The following SLA2 variants were observed in gnomAD, a reference collection of about 807,000 sequenced individuals.
The protein encoded by SLA2 is src-like-adapter 2.
A neutral mutation model predicts 27.3 loss-of-function variants in SLA2; 22 were observed. That is an observed-to-expected ratio of 0.81 (90% CI 0.58 to 1.15). SLA2 has a LOEUF of 1.15. SLA2 is among the 50% of genes most tolerant of loss of function. SLA2 has a pLI of 0.00. For missense variants in SLA2, 304 were observed against 322.2 expected (o/e 0.94, Z 0.43); for synonymous variants, 131 against 137.8 (o/e 0.95, Z 0.34).
At chr20:36,643,563 C>T (rs983016081) in intron 1 of SLA2, among the ~76,000 whole-genome samples, 3 of 152,130 alleles carry the variant, frequency 2.0e-5, no homozygotes, top group East Asian at 1.9e-4. Context: ...ATTTCTGTGG[C>T]GTCCTGGACC....
chr20:36,644,447 G>A (rs971148799), intron 1 of SLA2, among the ~76,000 whole-genome samples: 1 of 152,240 alleles, frequency 6.6e-6, no homozygotes, highest in African/African-American at 2.4e-5. Context: ...TGCTCAGTAA[G>A]GCTTAGTTTC....
intron 2 of SLA2, among the ~76,000 whole-genome samples, chr20:36,635,523 G>A (rs116604352): frequency 0.011 from 1,722 of 151,978 alleles, 33 homozygotes; most frequent in African/African-American, 0.039. Flanking sequence ...TGTGCTCCGG[G>A]TGGGCATGGG....
At chr20:36,636,617 AAAAAAAATATATAT>A (rs1221848222) in intron 2 of SLA2, among the ~76,000 whole-genome samples, 4 of 126,030 alleles carry the variant, frequency 3.2e-5, no homozygotes, top group African/African-American at 1.4e-4. Flanking sequence ...AAAAGAAAAA[AAAAAAAATATATAT>A]ATATATATAT....
In SLA2 at chr20:36,613,699, T is replaced by G. The variant is rs2039168894; in HGVS notation, c.*167A>C. ...GCACTGGAAGGAAGTAGGTGACTTC[T>G]AAGGGCTAAGAGAGGAAAGAGCAAG... On this transcript the variant is annotated 3_prime_UTR_variant, in exon 8 of 8. Transcript: ENST00000262866. 3 of 772,738 alleles carry G rather than the reference T, an allele frequency of 3.9e-6. No homozygotes were observed. Among genetic ancestry groups the G allele is most frequent in the Admixed American group, 3.1e-5 (1 of 32,728 alleles). The allele number at this position is 772,738 out of a possible 1,614,324, so 47.9% of individuals were successfully genotyped here.
intron 5 of SLA2, chr20:36,621,349 A>G: frequency 1.6e-6 from 1 of 614,930 alleles, no homozygotes; most frequent in Non-Finnish European, 3.1e-6. Context: ...TGGTGGAAGA[A>G]GCTCAGGCAG....
In SLA2 at chr20:36,615,500, A is replaced by T. The variant is rs1322441956; in HGVS notation, c.383-126T>A. 3 of 987,344 alleles carry T rather than the reference A, an allele frequency of 3.0e-6. No individual in the cohort carries two copies. In the East Asian group the frequency reaches 7.7e-5, roughly 25 times the overall value. The allele number at this position is 987,344 out of a possible 1,614,324, so 61.2% of individuals were successfully genotyped here. A position where few individuals can be genotyped will look rare whatever the true frequency, so the allele number is the denominator to read the frequency against. ...GCAGAAGGGAAGTGTCTGGGGCAGA[A>T]GCAGGACAAAGACTTGCTCTCTTGG... On this transcript the variant is annotated intron_variant, in intron 5 of 7. Transcript: ENST00000262866.
intron 2 of SLA2, among the ~76,000 whole-genome samples, chr20:36,637,081 A>T (rs1367461557): frequency 2.0e-5 from 3 of 151,742 alleles, no homozygotes; most frequent in Non-Finnish European, 4.4e-5. Flanking sequence ...ATCTGCTCTG[A>T]ATTGTCTTGG....
chr20:36,642,432 G>A (rs1339040097), intron 1 of SLA2, among the ~76,000 whole-genome samples: 2 of 151,488 alleles, frequency 1.3e-5, no homozygotes, highest in Non-Finnish European at 2.9e-5. Context: ...CCCAGGAGGT[G>A]TCACTCCGTC....
In SLA2 at chr20:36,613,219, CAAAA is replaced by C. The variant is rs893920624; in HGVS notation, c.*643_*646del. 3 of 151,764 alleles carry C rather than the reference CAAAA, an allele frequency of 2.0e-5. No homozygotes were observed. The highest frequency in any genetic ancestry group is 2.9e-5 in the Non-Finnish European group (2 of 68,008). 9.4% of individuals were successfully genotyped at this position (151,764 alleles called of 1,614,324 possible). A position where few individuals can be genotyped will look rare whatever the true frequency, so the allele number is the denominator to read the frequency against. ...TGGGCAACAGGGCAAGACTCCGTCT[CAAAA>C]AAAAGAAAAAGAGCTGGGGCTGTTG... On this transcript the variant is annotated 3_prime_UTR_variant, in exon 8 of 8. Transcript: ENST00000262866.
In SLA2 at chr20:36,641,387, G is replaced by T; in HGVS notation, c.-43-9C>A. On this transcript the variant is annotated splice_polypyrimidine_tract_variant and intron_variant, in intron 1 of 7. Transcript: ENST00000262866. ...ACATCATCGAGGGAAATCTGAAAGA[G>T]ACACAGTGATGGGGACAGAGCCGAG... 1.3e-6 allele frequency: 2 copies of T among 1,526,106 alleles called. No homozygotes were observed. The highest frequency in any genetic ancestry group is 1.1e-5 in the South Asian group (1 of 88,926). 94.5% of individuals were successfully genotyped at this position (1,526,106 alleles called of 1,614,324 possible).
Position 36,613,832 on chromosome 20 carries a change from A to C in SLA2, c.*34T>G. The C allele has an allele frequency of 7.3e-7, 1 of 1,366,444 alleles. No homozygotes were observed. Among genetic ancestry groups the C allele is most frequent in the South Asian group, 1.1e-5 (1 of 87,230 alleles). The allele number at this position is 1,366,444 out of a possible 1,614,324, so 84.6% of individuals were successfully genotyped here. ...GGCTGAATTGGGGTTCTAGGTGTGC[A>C]GCCTTGGTTTCCCTTTTGGCCTCTC... On this transcript the variant is annotated 3_prime_UTR_variant, in exon 8 of 8. Transcript: ENST00000262866.
At position 36,613,291 on chromosome 20, in the gene SLA2, T is replaced by A. The variant is rs565736558; in HGVS notation, c.*575A>T. On this transcript the variant is annotated 3_prime_UTR_variant, in exon 8 of 8. Coordinates refer to ENST00000262866, the MANE Select transcript of SLA2 (RefSeq NM_032214.4). ...TTGAGGACCTAGACTGTCCGAAGTC[T>A]TTCTCTTTGCTCTGGAGGTCACATA... The A allele has an allele frequency of 6.6e-6, 1 of 152,572 alleles. No individual in the cohort carries two copies. The highest frequency in any genetic ancestry group is 1.5e-5 in the Non-Finnish European group (1 of 68,222). 9.5% of individuals were successfully genotyped at this position (152,572 alleles called of 1,614,324 possible). A position where few individuals can be genotyped will look rare whatever the true frequency, so the allele number is the denominator to read the frequency against.
In SLA2 at chr20:36,635,540, G is replaced by A. The variant is rs554687557; in HGVS notation, c.92-951C>T. On this transcript the variant is annotated intron_variant, in intron 2 of 7. Coordinates refer to ENST00000262866, the MANE Select transcript of SLA2 (RefSeq NM_032214.4). ...TGCTCCGGGTGGGCATGGGAAGACC[G>A]AGGCTGATTCTGGAAATGGACTAGT... 3.9e-5 allele frequency among the ~76,000 whole-genome samples: 6 copies of A among 152,036 alleles called. No homozygotes were observed. The East Asian group carries it at 7.8e-4, about 20-fold the overall frequency.
chr20:36,616,332 CTTTT>C (rs751722341), intron 5 of SLA2, among the ~76,000 whole-genome samples: 2 of 132,010 alleles, frequency 1.5e-5, no homozygotes, highest in African/African-American at 5.6e-5. Flanking sequence ...TTTTAATTTT[CTTTT>C]TTTTTTTTTT....
At chr20:36,635,860 G>A (rs1176849296) in intron 2 of SLA2, among the ~76,000 whole-genome samples, 1 of 152,130 alleles carries the variant, frequency 6.6e-6, no homozygotes, top group African/African-American at 2.4e-5. Flanking sequence ...GCCTCACTCT[G>A]CCTGGCTGGC....
Position 36,641,373 on chromosome 20 carries a change from G to C in SLA2, c.-38C>G. The C allele has an allele frequency of 6.3e-7, 1 of 1,578,756 alleles. No homozygotes were observed. Among genetic ancestry groups the C allele is most frequent in the Admixed American group, 1.7e-5 (1 of 59,846 alleles). Reference sequence around the variant, plus strand: ...GAGCACTCAGAAGCACATCATCGAGGGAAATCTGAAAGAGACACAGTGATG... The same window carrying C: ...GAGCACTCAGAAGCACATCATCGAGCGAAATCTGAAAGAGACACAGTGATG... On this transcript the variant is annotated 5_prime_UTR_variant, in exon 2 of 8. Coordinates refer to ENST00000262866, the MANE Select transcript of SLA2 (RefSeq NM_032214.4).
intron 6 of SLA2, 115 bp downstream of exon 6, chr20:36,615,110 C>T: frequency 6.6e-7 from 1 of 1,509,964 alleles, no homozygotes; most frequent in Non-Finnish European, 8.9e-7. Flanking sequence ...ATAGGGGAGG[C>T]CGCTCTTCTG....
intron 5 of SLA2, among the ~76,000 whole-genome samples, chr20:36,627,776 T>C (rs1319805601): frequency 6.6e-6 from 1 of 152,150 alleles, no homozygotes. Flanking sequence ...AGGCCTATCA[T>C]ATAGCCAGGT....
At chr20:36,636,611 GAAAAAA>G (rs1185102769) in intron 2 of SLA2, among the ~76,000 whole-genome samples, 3 of 73,992 alleles carry the variant, frequency 4.1e-5, no homozygotes, top group African/African-American at 1.5e-4. Flanking sequence ...ATCTCAAAAA[GAAAAAA>G]AAAAAAATAT....
Sources: gnomAD v4.1 joint callset for allele counts (sites outside exome capture counted in the v4.1 genomes callset) on GRCh38, gnomAD v4.1.1 for gene constraint, MANE v1.5 for transcripts, NCBI Gene and HGNC (gene_info 2026-07-23, HGNC 2026-07-21) for gene names.